The following WDPCP variants were observed in gnomAD, a reference collection of about 807,000 sequenced individuals.
The protein encoded by WDPCP is WD repeat-containing and planar cell polarity effector protein fritz homolog.
Under a neutral mutation model 93.1 loss-of-function variants are expected in WDPCP, and 71 were observed. The ratio of observed to expected loss-of-function variants is 0.76; its 90% CI spans 0.63 to 0.93. The LOEUF (loss-of-function observed/expected upper bound fraction) is 0.93. WDPCP is among the 40% of genes least tolerant of loss of function. The pLI, the probability that WDPCP is intolerant of heterozygous loss-of-function variation, is 0.00. For synonymous variants in WDPCP, 315 were observed against 315.0 expected (o/e 1.00, Z 0.00); for missense variants, 844 against 887.4 (o/e 0.95, Z 0.62).
At chr2:63,529,836 T>G (rs1366972362) in intron 1 of WDPCP, among the ~76,000 whole-genome samples, 3 of 152,214 alleles carry the variant, frequency 2.0e-5, no homozygotes, top group Non-Finnish European at 4.4e-5. Context: ...CTCGACATTT[T>G]TTTTGGTTGG....
chr2:63,208,393 T>C (rs1676499496), intron 14 of WDPCP, among the ~76,000 whole-genome samples: 1 of 152,166 alleles, frequency 6.6e-6, no homozygotes, highest in African/African-American at 2.4e-5. Flanking sequence ...GTGTTCATCA[T>C]ATAGAGAAAA....
intron 1 of WDPCP, among the ~76,000 whole-genome samples, chr2:63,817,731 A>G (rs1670957852): frequency 6.6e-6 from 1 of 152,138 alleles, no homozygotes; most frequent in Non-Finnish European, 1.5e-5. Context: ...CCTCTCTACT[A>G]AAGTTATAGT....
chr2:63,799,766 T>TA (rs1429969488), intron 2 of WDPCP, among the ~76,000 whole-genome samples: 1 of 152,178 alleles, frequency 6.6e-6, no homozygotes, highest in Admixed American at 6.5e-5. Context: ...TCCCCTAGGC[T>TA]AGTAGTTTTT....
At chr2:63,216,392 T>TG (rs1175240771) in intron 14 of WDPCP, among the ~76,000 whole-genome samples, 2 of 152,024 alleles carry the variant, frequency 1.3e-5, no homozygotes, top group African/African-American at 4.8e-5. Context: ...AAAGGATGAG[T>TG]TCATGTCCAT....
intron 2 of WDPCP, among the ~76,000 whole-genome samples, chr2:63,803,053 T>C (rs1210733655): frequency 6.6e-6 from 1 of 152,194 alleles, no homozygotes; most frequent in African/African-American, 2.4e-5. Flanking sequence ...ACAAGCTATA[T>C]ATGGAGTAAC....
At chr2:63,575,959 A>G (rs1176006691) in intron 1 of WDPCP, among the ~76,000 whole-genome samples, 2 of 152,150 alleles carry the variant, frequency 1.3e-5, no homozygotes, top group African/African-American at 2.4e-5. Context: ...TTTGGCATTA[A>G]GAGTTTATTT....
In WDPCP at chr2:63,136,784, T is replaced by C. The variant is rs146464673; in HGVS notation, c.2191-14728A>G. Among the ~76,000 whole-genome samples, 272 of 152,226 alleles carry C rather than the reference T, an allele frequency of 1.8e-3. 2 individuals carry two copies. Among genetic ancestry groups the C allele is most frequent in the African/African-American group, 6.1e-3 (254 of 41,524 alleles). On this transcript the variant is annotated intron_variant, in intron 17 of 17. Transcript: ENST00000272321. ...TGTCCATGTGTTCTCATCATTTAGCTCCCACTTGTAAGTGAGAACATGCAA... is the reference window on the plus strand; with the variant it reads ...TGTCCATGTGTTCTCATCATTTAGCCCCCACTTGTAAGTGAGAACATGCAA...
At chr2:63,320,960 T>C (rs1036352868) in intron 12 of WDPCP, among the ~76,000 whole-genome samples, 3 of 152,030 alleles carry the variant, frequency 2.0e-5, no homozygotes, top group Non-Finnish European at 4.4e-5. Flanking sequence ...CAAACACAGA[T>C]AGTTTGAAAG....
At chr2:63,608,924 T>C (rs1158943229) in intron 3 of WDPCP, among the ~76,000 whole-genome samples, 1 of 152,186 alleles carries the variant, frequency 6.6e-6, no homozygotes, top group Admixed American at 6.5e-5. Flanking sequence ...CAAAATTTCA[T>C]ATAGAATGAA....
At chr2:63,746,900 T>G (rs1192314194) in intron 2 of WDPCP, among the ~76,000 whole-genome samples, 1 of 152,276 alleles carries the variant, frequency 6.6e-6, no homozygotes, top group East Asian at 1.9e-4. Context: ...GTGATCTCTG[T>G]GACCCACTCC....
chr2:63,546,787 T>C (rs1705182065), intron 1 of WDPCP, among the ~76,000 whole-genome samples: 1 of 151,990 alleles, frequency 6.6e-6, no homozygotes, highest in Non-Finnish European at 1.5e-5. Context: ...AGTAAAGGTA[T>C]TAGAAAGCAG....
chr2:63,559,002 T>A (rs764236959), intron 1 of WDPCP, among the ~76,000 whole-genome samples: 1 of 152,066 alleles, frequency 6.6e-6, no homozygotes, highest in African/African-American at 2.4e-5. Flanking sequence ...CAGGCCAACA[T>A]CCCTGATGAA....
intron 6 of WDPCP, among the ~76,000 whole-genome samples, chr2:63,448,437 A>AACACACACACACACAC (rs35247066): frequency 2.4e-4 from 36 of 148,802 alleles, no homozygotes; most frequent in African/African-American, 8.9e-4. Flanking sequence ...AAAATACATC[A>AACACACACACACACAC]ACACACACAC....
chr2:63,683,623 C>T (rs907284561), intron 2 of WDPCP, among the ~76,000 whole-genome samples: 3 of 152,028 alleles, frequency 2.0e-5, no homozygotes, highest in African/African-American at 7.2e-5. Context: ...GAGGCCAAGG[C>T]GGGTGGATCA....
rs1491537685 is a variant in WDPCP at position 63,575,477 on chromosome 2, CAG to C, written c.75+12718_75+12719del. Among the ~76,000 whole-genome samples the C allele has an allele frequency of 3.3e-4, 41 of 124,876 alleles. 4 individuals carry two copies. Among genetic ancestry groups the C allele is most frequent in the African/African-American group, 1.5e-3 (37 of 25,434 alleles). The allele number at this position is 124,876 out of a possible 152,430, so 81.9% of individuals were successfully genotyped here. On this transcript the variant is annotated intron_variant, in intron 1 of 17. Coordinates refer to ENST00000272321, the MANE Select transcript of WDPCP (RefSeq NM_015910.7). ...ATATACAGTATATATGCAGTATATACAGTGTATATATAGTATATACAGTATAT... is the reference window on the plus strand; with the variant it reads ...ATATACAGTATATATGCAGTATATACTGTATATATAGTATATACAGTATAT...
At chr2:63,656,141 C>G (rs898460620) in intron 2 of WDPCP, among the ~76,000 whole-genome samples, 7 of 152,194 alleles carry the variant, frequency 4.6e-5, no homozygotes, top group African/African-American at 1.7e-4. Context: ...CTTTTGTTCT[C>G]AACTGTGAGT....
intron 2 of WDPCP, among the ~76,000 whole-genome samples, chr2:63,678,284 G>T (rs569523567): frequency 2.0e-5 from 3 of 152,176 alleles, no homozygotes; most frequent in African/African-American, 7.2e-5. Context: ...AGAGCAAAAG[G>T]CTGCATCAGC....
intron 6 of WDPCP, among the ~76,000 whole-genome samples, chr2:63,449,044 T>C (rs1278888675): frequency 6.6e-6 from 1 of 152,194 alleles, no homozygotes; most frequent in Admixed American, 6.5e-5. Flanking sequence ...TGTGAGATGA[T>C]GGATATGTTA....
rs1241302804 is a variant in WDPCP at position 63,294,511 on chromosome 2, A to G, written c.1812+18737T>C. Among the ~76,000 whole-genome samples the G allele has an allele frequency of 2.5e-3, 34 of 13,548 alleles. No individual in the cohort carries two copies. In the East Asian group the frequency reaches 0.071, roughly 28 times the overall value. The allele number at this position is 13,548 out of a possible 152,430, so 8.9% of individuals were successfully genotyped here. A position where few individuals can be genotyped will look rare whatever the true frequency, so the allele number is the denominator to read the frequency against. On this transcript the variant is annotated intron_variant, in intron 13 of 17. Transcript: ENST00000272321. ...GGTGATAGAACAAGACTGTTTCGAA[A>G]AAAAAAAAAAAAAAAAAAAAGTGCT...
Sources: gnomAD v4.1 joint callset for allele counts (sites outside exome capture counted in the v4.1 genomes callset) on GRCh38, gnomAD v4.1.1 for gene constraint, MANE v1.5 for transcripts, NCBI Gene and HGNC (gene_info 2026-07-23, HGNC 2026-07-21) for gene names.